CTBP2: variants seen among roughly 807,000 people sequenced by gnomAD.
CTBP2 encodes C-terminal-binding protein 2.
In CTBP2, 30 loss-of-function variants were observed where a neutral mutation model predicts 80.3. The observed-to-expected ratio is 0.37, with a 90% CI of 0.28 to 0.51. The LOEUF (loss-of-function observed/expected upper bound fraction) is 0.51, where lower values mean the gene tolerates loss of function less well. CTBP2 is among the 20% of genes least tolerant of loss of function. CTBP2 has a pLI of 0.93. For synonymous variants in CTBP2, 594 were observed against 587.4 expected (o/e 1.01, Z -0.16); for missense variants, 1,212 against 1,375.3 (o/e 0.88, Z 1.88).
intron 2 of CTBP2, among the ~76,000 whole-genome samples, chr10:125,098,230 G>A (rs1849852215): frequency 6.6e-6 from 1 of 152,118 alleles, no homozygotes; most frequent in Non-Finnish European, 1.5e-5. Flanking sequence ...GCCAAGCACT[G>A]AGACGGTCCC....
At chr10:125,149,638 C>G (rs957405793) in intron 1 of CTBP2, among the ~76,000 whole-genome samples, 5 of 152,222 alleles carry the variant, frequency 3.3e-5, no homozygotes, top group African/African-American at 1.2e-4. Context: ...CACATGTGCT[C>G]ACAAGTGTAC....
chr10:125,060,024 T>G (rs905055258), intron 2 of CTBP2, among the ~76,000 whole-genome samples: 20 of 152,216 alleles, frequency 1.3e-4, no homozygotes, highest in African/African-American at 4.3e-4. Flanking sequence ...GGAGTCATCC[T>G]TCCCGGGGGC....
chr10:124,992,822 G>C lies in CTBP2; in HGVS notation c.2660-10C>G. 6.3e-7 allele frequency: 1 copy of C among 1,586,832 alleles called. No individual in the cohort carries two copies. The highest frequency in any genetic ancestry group is 8.6e-7 in the Non-Finnish European group (1 of 1,158,550). On this transcript the variant is annotated splice_polypyrimidine_tract_variant and intron_variant, in intron 7 of 8. Transcript: ENST00000309035. The stretch of plus-strand genomic sequence containing the variant: ...CTTTCTGGGATGCGACCTAGGGTAA[G>C]ATGATTAAAATTAATCATATTATTT...
chr10:125,154,748 C>T (rs1209311350), intron 1 of CTBP2, among the ~76,000 whole-genome samples: 2 of 152,168 alleles, frequency 1.3e-5, no homozygotes, highest in Admixed American at 1.3e-4. Flanking sequence ...AGTGAGGGGC[C>T]AGGAATGCAC....
At chr10:125,067,588 T>C (rs1472415384) in intron 2 of CTBP2, among the ~76,000 whole-genome samples, 1 of 152,214 alleles carries the variant, frequency 6.6e-6, no homozygotes, top group Non-Finnish European at 1.5e-5. Flanking sequence ...ATGCCATTTA[T>C]CAAACTTCTT....
intron 1 of CTBP2, among the ~76,000 whole-genome samples, chr10:125,156,565 C>A (rs568373983): frequency 1.4e-4 from 21 of 152,048 alleles, no homozygotes; most frequent in Admixed American, 1.4e-3. Flanking sequence ...TTTTTCAATC[C>A]GTGAATCTCA....
At chr10:125,054,839 G>C (rs1008716901) in intron 2 of CTBP2, among the ~76,000 whole-genome samples, 4 of 152,192 alleles carry the variant, frequency 2.6e-5, no homozygotes, top group African/African-American at 9.7e-5. Context: ...ACTGACATGA[G>C]GTCTGTGATA....
Position 125,012,459 on chromosome 10 carries a change from T to C in CTBP2, c.1679-8967A>G, listed in dbSNP as rs550008381. Among the ~76,000 whole-genome samples, 4 of 152,076 alleles carry C rather than the reference T, an allele frequency of 2.6e-5. No homozygotes were observed. In the East Asian group the frequency reaches 7.8e-4, roughly 30 times the overall value. On this transcript the variant is annotated intron_variant, in intron 1 of 8. Transcript: ENST00000309035. ...TCTGAGTCCCCTGTCCAATAAACAG[T>C]TCTGGTGGAATCTTCCAGGAGGACT... is the stretch of plus-strand genomic sequence containing the variant.
At chr10:125,031,537 AC>A (rs1408630305), upstream of CTBP2, among the ~76,000 whole-genome samples, 2 of 131,984 alleles carry the variant, frequency 1.5e-5, no homozygotes, top group African/African-American at 5.7e-5. Context: ...TCAACCCCCT[AC>A]CCCCTGCCCC....
chr10:125,077,074 A>G (rs1445283447), intron 2 of CTBP2, among the ~76,000 whole-genome samples: 3 of 152,154 alleles, frequency 2.0e-5, no homozygotes, highest in Non-Finnish European at 2.9e-5. Flanking sequence ...TTGAAAAGAG[A>G]AAAAATTCAC....
intron 1 of CTBP2, among the ~76,000 whole-genome samples, chr10:125,148,642 G>T (rs74163352): frequency 6.6e-6 from 1 of 152,098 alleles, no homozygotes; most frequent in African/African-American, 2.4e-5. Flanking sequence ...CATCCTCTAC[G>T]GACATGAGAG....
At chr10:124,993,458 G>C (rs898886694) in intron 6 of CTBP2, 129 bp from the exon 9 acceptor site, 8 of 1,065,062 alleles carry the variant, frequency 7.5e-6, no homozygotes, top group Non-Finnish European at 1.0e-5. Flanking sequence ...AGGAACATCT[G>C]TGATGATATT....
chr10:125,154,730 G>A (rs914694908), intron 1 of CTBP2, among the ~76,000 whole-genome samples: 2 of 152,192 alleles, frequency 1.3e-5, no homozygotes, highest in African/African-American at 4.8e-5. Context: ...TTAAGGTGAG[G>A]GTTAGAAAGT....
At chr10:125,068,322 T>G (rs1186176690) in intron 2 of CTBP2, among the ~76,000 whole-genome samples, 1 of 152,170 alleles carries the variant, frequency 6.6e-6, no homozygotes, top group African/African-American at 2.4e-5. Flanking sequence ...TTCATCTACA[T>G]TAAAGAATTC....
chr10:125,050,804 A>G (rs1962542604), intron 2 of CTBP2, among the ~76,000 whole-genome samples: 2 of 152,212 alleles, frequency 1.3e-5, no homozygotes, highest in Admixed American at 1.3e-4. Context: ...TAGCTAAAAT[A>G]TAAGTTAGTG....
Position 125,026,513 on chromosome 10 carries a change from T to C in CTBP2, c.1247A>G (p.Glu416Gly). The C allele has an allele frequency of 1.9e-6, 3 of 1,597,678 alleles. No homozygotes were observed. The highest frequency in any genetic ancestry group is 2.6e-6 in the Non-Finnish European group (3 of 1,171,098). Residue 416 changes from glutamate (E) to glycine (G), a missense_variant, in exon 1 of 9, where the codon GAG (glutamate) becomes GGG (glycine). Transcript: ENST00000309035. ...AGGGGCAGAATAGGTGGCTGCCGTC[T>C]CCAGGAGGTGCTGAGATGGTGCGCT... is the stretch of plus-strand genomic sequence containing the variant.
At chr10:125,024,733 T>C (rs111556782) in intron 1 of CTBP2, among the ~76,000 whole-genome samples, 2 of 152,344 alleles carry the variant, frequency 1.3e-5, no homozygotes, top group African/African-American at 4.8e-5. Flanking sequence ...GTCATCGCCA[T>C]GCAAATCAGT....
At chr10:125,105,314 T>A (rs1461448149) in intron 2 of CTBP2, among the ~76,000 whole-genome samples, 1 of 151,620 alleles carries the variant, frequency 6.6e-6, no homozygotes, top group African/African-American at 2.4e-5. Context: ...CCTGGCTGAT[T>A]TTTTAAAAAA....
At chr10:125,137,497 C>T (rs1198112097) in intron 1 of CTBP2, among the ~76,000 whole-genome samples, 1 of 152,176 alleles carries the variant, frequency 6.6e-6, no homozygotes, top group East Asian at 1.9e-4. Context: ...CTTTTAAATG[C>T]ACAATGTGCT....
Sources: allele counts gnomAD v4.1 joint callset (sites outside exome capture counted in the v4.1 genomes callset), GRCh38; gene constraint gnomAD v4.1.1; transcripts MANE v1.5; gene names NCBI Gene and HGNC (gene_info 2026-07-23, HGNC 2026-07-21).